The following ANKRD11 variants were observed in gnomAD, a reference collection of about 807,000 sequenced individuals.
ANKRD11 encodes ankyrin repeat domain-containing protein 11.
ANKRD11 carries 17 observed loss-of-function variants against 195.7 expected under a neutral mutation model. The observed-to-expected ratio is 0.09, with a 90% CI of 0.06 to 0.13. The LOEUF is 0.13. Ranked by LOEUF, ANKRD11 falls within the 10% of genes least tolerant of loss-of-function variation. The pLI is 1.00. For missense variants in ANKRD11, 3,735 were observed against 3,566.1 expected, an observed-to-expected ratio of 1.05 and a Z score of -1.21; for synonymous variants, 1,953 against 1,528.1, an observed-to-expected ratio of 1.28 and a Z score of -6.49.
chr16:89,411,477 G>C lies in ANKRD11; in HGVS notation c.-60+6807C>G, dbSNP rs1363658805. On this transcript the variant is annotated intron_variant, in intron 2 of 12. Coordinates refer to ENST00000301030, the MANE Select transcript of ANKRD11 (RefSeq NM_013275.6). ...ACCTAGAGCTGGAGTGCAGTGGTGT[G>C]ATCATAGCTCACTACAACCTCTGCC... Among the ~76,000 whole-genome samples, 13 of 152,260 alleles carry C rather than the reference G, an allele frequency of 8.5e-5. No individual in the cohort carries two copies. The South Asian group carries it at 2.1e-3, about 24-fold the overall frequency.
At chr16:89,359,410 G>A (rs1361554473) in intron 2 of ANKRD11, among the ~76,000 whole-genome samples, 1 of 152,208 alleles carries the variant, frequency 6.6e-6, no homozygotes, top group Non-Finnish European at 1.5e-5. Context: ...CCCAGCAGAG[G>A]AGCAGGAAGA....
chr16:89,457,427 T>C (rs547788678), intron 1 of ANKRD11, among the ~76,000 whole-genome samples: 30 of 151,042 alleles, frequency 2.0e-4, no homozygotes, highest in African/African-American at 7.0e-4. Context: ...TAAAACCCTG[T>C]CTCTACTTGA....
At chr16:89,448,750 C>T (rs755163691) in intron 1 of ANKRD11, among the ~76,000 whole-genome samples, 1 of 152,124 alleles carries the variant, frequency 6.6e-6, no homozygotes, top group African/African-American at 2.4e-5. Flanking sequence ...AAGTCCAAGA[C>T]GAGACGGTGC....
chr16:89,326,922 C>G (rs1221671123), intron 2 of ANKRD11, among the ~76,000 whole-genome samples: 1 of 152,148 alleles, frequency 6.6e-6, no homozygotes, highest in Non-Finnish European at 1.5e-5. Context: ...GGAGGTTCCA[C>G]AGACACACGA....
chr16:89,433,257 G>A (rs2043075040), intron 1 of ANKRD11, among the ~76,000 whole-genome samples: 1 of 152,192 alleles, frequency 6.6e-6, no homozygotes, highest in Non-Finnish European at 1.5e-5. Context: ...GCCATGACTG[G>A]CCGGATCCTT....
chr16:89,329,056 G>T (rs149972621), intron 2 of ANKRD11: 31 of 152,996 alleles, frequency 2.0e-4, no homozygotes, highest in African/African-American at 7.0e-4. Context: ...CCAGGAGCAC[G>T]GGCGAATCAG....
chr16:89,293,860 C>CA lies in ANKRD11; in HGVS notation c.227-2678dup, dbSNP rs200817377. ...TCAAAGGACCCTAGGAGGCGTGTGT[C>CA]AGAGGAACAGGCAGAGGCAAAGGCG... On this transcript the variant is annotated intron_variant, in intron 4 of 12. Coordinates refer to ENST00000301030, the MANE Select transcript of ANKRD11 (RefSeq NM_013275.6). Among the ~76,000 whole-genome samples, 1,336 of 152,214 alleles carry CA rather than the reference C, an allele frequency of 8.8e-3. 18 individuals carry two copies. Among genetic ancestry groups the CA allele is most frequent in the Admixed American group, 0.021 (314 of 15,304 alleles).
At chr16:89,321,214 C>G (rs1365621892) in intron 2 of ANKRD11, 3 of 152,316 alleles carry the variant, frequency 2.0e-5, no homozygotes, top group Non-Finnish European at 4.4e-5. Flanking sequence ...AGTGGTTACA[C>G]TGACTACGGC....
chr16:89,431,497 T>C (rs964819255), intron 1 of ANKRD11, among the ~76,000 whole-genome samples: 4 of 152,294 alleles, frequency 2.6e-5, no homozygotes, highest in African/African-American at 7.2e-5. Flanking sequence ...GTGAGAAACA[T>C]GGAACATAAC....
chr16:89,436,939 T>G (rs541467621), intron 1 of ANKRD11, among the ~76,000 whole-genome samples: 88 of 152,322 alleles, frequency 5.8e-4, no homozygotes, highest in Middle Eastern at 6.8e-3. Flanking sequence ...CAACCACATC[T>G]TTTAAAAAGA....
At chr16:89,349,134 T>TAAAAAAGTA (rs2039080259) in intron 2 of ANKRD11, among the ~76,000 whole-genome samples, 1 of 16,576 alleles carries the variant, frequency 6.0e-5, no homozygotes, top group African/African-American at 2.8e-4. Context: ...TCTCAAAAAG[T>TAAAAAAGTA]AAAAAAAAAA....
At chr16:89,434,826 T>C (rs1256015925) in intron 1 of ANKRD11, among the ~76,000 whole-genome samples, 2 of 152,190 alleles carry the variant, frequency 1.3e-5, no homozygotes, top group African/African-American at 2.4e-5. Flanking sequence ...GCGAGGACAC[T>C]GGCTGTCTGG....
chr16:89,451,915 A>C (rs2044093007), intron 1 of ANKRD11, among the ~76,000 whole-genome samples: 1 of 152,300 alleles, frequency 6.6e-6, no homozygotes, highest in East Asian at 1.9e-4. Flanking sequence ...AATCCTAAAA[A>C]ATCTTTAAAA....
rs1486579429 is a variant in ANKRD11 at position 89,490,228 on chromosome 16, C to T, written c.-145+17G>A. The T allele has an allele frequency of 2.0e-5, 3 of 152,404 alleles. No homozygotes were observed. The highest frequency in any genetic ancestry group is 7.3e-5 in the African/African-American group (3 of 41,206). The allele number at this position is 152,404 out of a possible 1,614,324, so 9.4% of individuals were successfully genotyped here. On this transcript the variant is annotated intron_variant, in intron 1 of 12. Transcript: ENST00000301030. Reference sequence around the variant, plus strand: ...GCCCGCCCCGACCACCGCCCCCAGACCAGCGGCGCCTCTCACCGTGCTCCG... The same window carrying T: ...GCCCGCCCCGACCACCGCCCCCAGATCAGCGGCGCCTCTCACCGTGCTCCG...
intron 2 of ANKRD11, among the ~76,000 whole-genome samples, chr16:89,334,261 G>A (rs2038230251): frequency 6.6e-6 from 1 of 151,452 alleles, no homozygotes; most frequent in Admixed American, 6.6e-5. Flanking sequence ...CCTCATCAAT[G>A]GCCTTCACAA....
chr16:89,456,213 C>G (rs924590178), intron 1 of ANKRD11, among the ~76,000 whole-genome samples: 2 of 148,632 alleles, frequency 1.3e-5, no homozygotes, highest in African/African-American at 5.0e-5. Flanking sequence ...ATACTCCAGC[C>G]TGGGCAACAG....
intron 2 of ANKRD11, among the ~76,000 whole-genome samples, chr16:89,322,869 G>C (rs1422235681): frequency 6.6e-6 from 1 of 152,134 alleles, no homozygotes; most frequent in African/African-American, 2.4e-5. Context: ...TTGTTTGTTT[G>C]AGACAGCTGT....
intron 9 of ANKRD11, among the ~76,000 whole-genome samples, chr16:89,276,650 C>G (rs891653376): frequency 7.9e-5 from 12 of 152,236 alleles, no homozygotes; most frequent in Admixed American, 6.5e-4. Flanking sequence ...ACGGCAGGGT[C>G]TCGTCACCTC....
chr16:89,267,726 TTATC>T lies in ANKRD11; in HGVS notation c.*748_*751del, dbSNP rs1472527907. On this transcript the variant is annotated 3_prime_UTR_variant, in exon 13 of 13. Transcript: ENST00000301030. Reference sequence around the variant, plus strand: ...GTGCAGTAATGTGTTGCAAAATAAATTATCTAGAAGGCAGCAAAAGTACATTGTG... The same window carrying T: ...GTGCAGTAATGTGTTGCAAAATAAATTAGAAGGCAGCAAAAGTACATTGTG... 1.3e-5 allele frequency: 2 copies of T among 152,346 alleles called. No homozygotes were observed. Among genetic ancestry groups the T allele is most frequent in the African/African-American group, 4.8e-5 (2 of 41,412 alleles). The allele number at this position is 152,346 out of a possible 1,614,324, so 9.4% of individuals were successfully genotyped here.
Sources: gnomAD v4.1 joint callset for allele counts (sites outside exome capture counted in the v4.1 genomes callset) on GRCh38, gnomAD v4.1.1 for gene constraint, MANE v1.5 for transcripts, NCBI Gene and HGNC (gene_info 2026-07-23, HGNC 2026-07-21) for gene names.